The following DHDH variants were observed in gnomAD, a reference collection of about 807,000 sequenced individuals.
DHDH encodes the protein trans-1,2-dihydrobenzene-1,2-diol dehydrogenase.
DHDH carries 29 observed loss-of-function variants against 33.2 expected under a neutral mutation model. The ratio of observed to expected loss-of-function variants is 0.87; its 90% CI spans 0.65 to 1.19. The LOEUF (loss-of-function observed/expected upper bound fraction) is 1.19. Among genes scored for constraint, DHDH ranks in the 50% most tolerant of loss-of-function variants. DHDH has a pLI of 0.00. For missense variants in DHDH, 431 were observed against 455.0 expected (o/e 0.95, Z 0.48); for synonymous variants, 201 against 187.9 (o/e 1.07, Z -0.57).
chr19:48,933,844 AGGCG>A, intron 1 of DHDH, 33 bp downstream of exon 1: 7 of 1,596,062 alleles, frequency 4.4e-6, no homozygotes, highest in Non-Finnish European at 6.0e-6. Context: ...GGGGAAGAGG[AGGCG>A]GGGGGCGGGA....
rs1192558548 is a variant in DHDH at position 48,944,837 on chromosome 19, T to C, written c.909T>C (p.Ser303=). Reference sequence around the variant, plus strand: ...CTCTCCCCACAGGTATGAAGGAAAGTCCTGTGATTCCCCTGTCGGAAAGTG... The same window carrying C: ...CTCTCCCCACAGGTATGAAGGAAAGCCCTGTGATTCCCCTGTCGGAAAGTG... ...WECLRKGMKE[S]PVIPLSESEL... Residue 303 remains serine, a synonymous_variant, in exon 7 of 7, where the codon AGT becomes AGC. Coordinates refer to ENST00000221403, the MANE Select transcript of DHDH (RefSeq NM_014475.4). The C allele has an allele frequency of 1.2e-6, 2 of 1,613,524 alleles. No homozygotes were observed. The highest frequency in any genetic ancestry group is 1.7e-6 in the Non-Finnish European group (2 of 1,179,970).
chr19:48,935,145 C>T (rs767639330), intron 2 of DHDH, 34 bp downstream of exon 2: 63 of 1,502,204 alleles, frequency 4.2e-5, no homozygotes, highest in Non-Finnish European at 5.2e-5. Flanking sequence ...TGCTGGCCGC[C>T]GCCCCTGGAG....
rs752639038 is a variant in DHDH at position 48,935,075 on chromosome 19, G to A, written c.166G>A (p.Gly56Ser). Reference sequence around the variant, plus strand: ...GAAACACGACATCCCCAAGGCCTACGGCTCCTATGAGGAGCTGGCCAAGGA... The same window carrying A: ...GAAACACGACATCCCCAAGGCCTACAGCTCCTATGAGGAGCTGGCCAAGGA... ...AQKHDIPKAY[G>S]SYEELAKDPS... Residue 56 changes from glycine to serine, a missense_variant, in exon 2 of 7, where the codon GGC becomes AGC. By Grantham distance (56) the Gly-to-Ser change is moderately conservative (BLOSUM62 0). Coordinates refer to ENST00000221403, the MANE Select transcript of DHDH (RefSeq NM_014475.4). 6 of 1,589,098 alleles carry A rather than the reference G, an allele frequency of 3.8e-6. No homozygotes were observed. The African/African-American group carries it at 5.4e-5, about 14-fold the overall frequency.
In DHDH at chr19:48,933,725, G is replaced by C. The variant is rs10401800; in HGVS notation, c.4G>C (p.Ala2Pro). The C allele has an allele frequency of 0.014, 21,999 of 1,613,262 alleles. 2,039 individuals carry two copies. The African/African-American group carries it at 0.23, about 17-fold the overall frequency. The change falls in exon 1 of 7, where the codon GCG (alanine) becomes CCG (proline). Residue 2 changes from alanine to proline, a missense_variant. By Grantham distance (27) the Ala-to-Pro change is conservative (BLOSUM62 -1). Transcript: ENST00000221403. ...CCGAGGGCTCCGCATCGCAACCATG[G>C]CGCTGCGCTGGGGCATCGTGTCTGT... M[A>P]LRWGIVSVGL...
chr19:48,942,118 C>G (rs375402731), intron 4 of DHDH, among the ~76,000 whole-genome samples: 1 of 152,110 alleles, frequency 6.6e-6, no homozygotes, highest in African/African-American at 2.4e-5. Flanking sequence ...CGCCATTCTC[C>G]TGCCTCAGCC....
At chr19:48,944,294 C>T in intron 5 of DHDH, 63 bp from the exon 6 acceptor site, 2 of 1,608,486 alleles carry the variant, frequency 1.2e-6, no homozygotes, top group Non-Finnish European at 1.7e-6. Context: ...TGGCATGTTC[C>T]TGGAGGCAGC....
At chr19:48,940,716 G>A (rs1447378800) in intron 4 of DHDH, among the ~76,000 whole-genome samples, 3 of 152,134 alleles carry the variant, frequency 2.0e-5, no homozygotes, top group South Asian at 2.1e-4. Context: ...AATTAGTTGG[G>A]CGTGGTGGTG....
Position 48,944,501 on chromosome 19 carries a change from C to G in DHDH, c.889C>G (p.Arg297Gly), listed in dbSNP as rs373067981. 1 of 1,604,270 alleles carries G rather than the reference C, an allele frequency of 6.2e-7. No individual in the cohort carries two copies. Among genetic ancestry groups the G allele is most frequent in the African/African-American group, 1.3e-5 (1 of 74,794 alleles). ...GGCCAAGCACGTCTGGGAGTGCCTACGCAAGGGTAAGGATATGGATGCGGG... is the reference window on the plus strand; with the variant it reads ...GGCCAAGCACGTCTGGGAGTGCCTAGGCAAGGGTAAGGATATGGATGCGGG... ...YEAKHVWECL[R>G]KGMKESPVIP... Residue 297 changes from arginine to glycine, a missense_variant, in exon 6 of 7, where the codon CGC (arginine) becomes GGC (glycine). Coordinates refer to ENST00000221403, the MANE Select transcript of DHDH (RefSeq NM_014475.4).
intron 3 of DHDH, among the ~76,000 whole-genome samples, chr19:48,937,831 A>T (rs1171451353): frequency 1.5e-5 from 2 of 132,068 alleles, no homozygotes; most frequent in African/African-American, 6.5e-5. Context: ...AAAAAAAAAA[A>T]AAGAAATTGC....
At chr19:48,942,646 G>C in intron 5 of DHDH, 82 bp downstream of exon 5, 1 of 1,515,890 alleles carries the variant, frequency 6.6e-7, no homozygotes, top group East Asian at 2.3e-5. Context: ...CTAGATGAGA[G>C]CTTAACCAGC....
rs753654642 is a variant in DHDH at position 48,935,104 on chromosome 19, G to A, written c.195G>A (p.Pro65=). Residue 65 remains proline, a synonymous_variant, in exon 2 of 7, where the codon CCG becomes CCA. Transcript: ENST00000221403. ...YGSYEELAKD[P]SVEVAYIGTQ... ...CCTATGAGGAGCTGGCCAAGGACCC[G>A]AGCGTGGGTGAGTGGCGAGGGCGAT... The A allele has an allele frequency of 5.2e-5, 82 of 1,566,674 alleles. No homozygotes were observed. In the Middle Eastern group the frequency reaches 1.0e-3, roughly 19 times the overall value.
chr19:48,944,429 G>T lies in DHDH; in HGVS notation c.817G>T (p.Val273Phe), dbSNP rs1385908012. 16 of 1,614,178 alleles carry T rather than the reference G, an allele frequency of 9.9e-6. No individual in the cohort carries two copies. Among genetic ancestry groups the T allele is most frequent in the Non-Finnish European group, 1.3e-5 (15 of 1,180,010 alleles). Residue 273 changes from valine (V) to phenylalanine (F), a missense_variant, in exon 6 of 7, where the codon GTC becomes TTC. Physicochemically the swap from Val to Phe is conservative, Grantham distance 50. Coordinates refer to ENST00000221403, the MANE Select transcript of DHDH (RefSeq NM_014475.4). ...GCATAAGGAGTTCCCGCTGCCCCCA[G>T]TCCCAAAGGACTGCAATTTTGACAA... Reference protein sequence around the residue: ...GEHKEFPLPPVPKDCNFDNGA... With the variant: ...GEHKEFPLPPFPKDCNFDNGA...
chr19:48,939,631 G>C lies in DHDH; in HGVS notation c.549G>C (p.Gln183His), dbSNP rs200486505. The part of the protein sequence containing the change: ...ALLDIGIYCV[Q>H]FTSMVFGGQK... ...TGGACATCGGCATCTACTGTGTCCA[G>C]TTCACCTCCATGGTCTTTGGAGGGC... is the stretch of plus-strand genomic sequence containing the variant. The change falls in exon 4 of 7, where the codon CAG becomes CAC. Residue 183 changes from glutamine (Q) to histidine (H), a missense_variant. Transcript: ENST00000221403. The C allele has an allele frequency of 3.0e-5, 48 of 1,613,866 alleles. No individual in the cohort carries two copies. The highest frequency in any genetic ancestry group is 4.0e-5 in the Non-Finnish European group (47 of 1,179,892).
intron 1 of DHDH, among the ~76,000 whole-genome samples, chr19:48,934,594 C>T (rs965622268): frequency 1.3e-5 from 2 of 152,176 alleles, no homozygotes; most frequent in Non-Finnish European, 2.9e-5. Context: ...CTCTGTTACT[C>T]TTTGCTACAC....
intron 2 of DHDH, among the ~76,000 whole-genome samples, chr19:48,935,716 C>A (rs2037762529): frequency 6.6e-6 from 1 of 151,178 alleles, no homozygotes; most frequent in South Asian, 2.1e-4. Context: ...ACTCGGGAGG[C>A]TGAGGCAGGA....
upstream of DHDH, chr19:48,933,624 G>C (rs1426831657): frequency 4.4e-6 from 5 of 1,132,562 alleles, no homozygotes; most frequent in African/African-American, 7.7e-5. Flanking sequence ...GCGCAATACG[G>C]GCGGAGGATG....
intron 6 of DHDH, 82 bp from the exon 7 acceptor site, chr19:48,944,742 C>T (rs2037917033): frequency 6.0e-6 from 8 of 1,334,058 alleles, no homozygotes; most frequent in Non-Finnish European, 8.6e-6. Context: ...GTATATTGTG[C>T]CACATGGAAT....
intron 3 of DHDH, among the ~76,000 whole-genome samples, chr19:48,936,467 C>T (rs933358980): frequency 9.9e-5 from 15 of 151,822 alleles, no homozygotes; most frequent in Non-Finnish European, 1.5e-4. Context: ...GAGGCCGAGG[C>T]GGGCGGAGCA....
intron 5 of DHDH, among the ~76,000 whole-genome samples, chr19:48,943,019 C>T (rs924403042): frequency 2.0e-4 from 30 of 149,334 alleles, no homozygotes; most frequent in African/African-American, 6.9e-4. Flanking sequence ...TACGCCATTA[C>T]ATTCCAGCCT....
Sources: allele counts gnomAD v4.1 joint callset (sites outside exome capture counted in the v4.1 genomes callset), GRCh38; gene constraint gnomAD v4.1.1; transcripts MANE v1.5; gene names NCBI Gene and HGNC (gene_info 2026-07-23, HGNC 2026-07-21).